The following SPON1 variants were observed in gnomAD, a reference collection of about 807,000 sequenced individuals.
SPON1 encodes spondin 1, also known as spondin-1.
A neutral mutation model predicts 111.7 loss-of-function variants in SPON1; 52 were observed. That is an observed-to-expected ratio of 0.47 (90% confidence interval 0.37 to 0.59). The LOEUF is 0.59. Among genes scored for constraint, SPON1 ranks in the 20% least tolerant of loss-of-function variants. The pLI, the probability that SPON1 is intolerant of heterozygous loss-of-function variation, is 0.00. For missense variants in SPON1, 957 were observed against 1,068.5 expected, an observed-to-expected ratio of 0.90 and a Z score of 1.46; for synonymous variants, 410 against 395.8, an observed-to-expected ratio of 1.04 and a Z score of -0.43.
In SPON1 at chr11:14,254,708, CGACAGCG is replaced by C; in HGVS notation, c.1073_1079del (p.Asp358GlyfsTer2). 1 of 1,613,832 alleles carries C rather than the reference CGACAGCG, an allele frequency of 6.2e-7. No individual in the cohort carries two copies. Among genetic ancestry groups the C allele is most frequent in the Non-Finnish European group, 8.5e-7 (1 of 1,179,862 alleles). On this transcript the variant is annotated frameshift_variant, in exon 8 of 16. Coordinates refer to ENST00000576479, the MANE Select transcript of SPON1 (RefSeq NM_006108.4). LOFTEE classifies it high-confidence loss of function. ...ACCTGATTCCCTGGGACGCTGGCACCGACAGCGGGGTGACCTATGAGGTGTGTGTGTG... is the reference window on the plus strand; with the variant it reads ...ACCTGATTCCCTGGGACGCTGGCACCGGGTGACCTATGAGGTGTGTGTGTG...
At chr11:14,179,785 G>A (rs1403437640) in intron 6 of SPON1, among the ~76,000 whole-genome samples, 4 of 151,686 alleles carry the variant, frequency 2.6e-5, no homozygotes, top group Non-Finnish European at 4.4e-5. Flanking sequence ...TGCACTTCTC[G>A]CAGTAGCACT....
chr11:14,184,004 G>A (rs1463874954), intron 6 of SPON1, among the ~76,000 whole-genome samples: 1 of 152,176 alleles, frequency 6.6e-6, no homozygotes, highest in Non-Finnish European at 1.5e-5. Flanking sequence ...ACTCCTGAGG[G>A]ACCTTAGTTT....
chr11:13,966,415 A>G (rs1554908043), intron 1 of SPON1, among the ~76,000 whole-genome samples: 1 of 152,228 alleles, frequency 6.6e-6, no homozygotes, highest in Non-Finnish European at 1.5e-5. Flanking sequence ...AAATCCACTG[A>G]AATATTCAAG....
chr11:14,147,996 C>T (rs1564915669), intron 6 of SPON1, among the ~76,000 whole-genome samples: 1 of 152,076 alleles, frequency 6.6e-6, no homozygotes, highest in Non-Finnish European at 1.5e-5. Context: ...AGACTTTTGA[C>T]AACTATATTG....
intron 6 of SPON1, among the ~76,000 whole-genome samples, chr11:14,178,902 G>A (rs549651502): frequency 3.0e-4 from 45 of 152,326 alleles, no homozygotes; most frequent in African/African-American, 7.9e-4. Context: ...TATTGAGACC[G>A]TGGCAGCCTG....
chr11:14,234,247 G>T (rs763898915), intron 6 of SPON1, among the ~76,000 whole-genome samples: 44 of 152,164 alleles, frequency 2.9e-4, no homozygotes, highest in Non-Finnish European at 5.6e-4. Context: ...CTCCTGTTTG[G>T]ATTTGGCATC....
At chr11:14,190,021 T>C (rs190090430) in intron 6 of SPON1, among the ~76,000 whole-genome samples, 1 of 152,314 alleles carries the variant, frequency 6.6e-6, no homozygotes, top group East Asian at 1.9e-4. Flanking sequence ...GTTTGTATAA[T>C]TATATGCATT....
At chr11:14,119,299 G>A (rs782291905) in intron 5 of SPON1, among the ~76,000 whole-genome samples, 2 of 152,120 alleles carry the variant, frequency 1.3e-5, no homozygotes, top group African/African-American at 2.4e-5. Context: ...AGTGACAAGG[G>A]AGGAGGAAGG....
chr11:13,996,060 C>A (rs945055751), intron 2 of SPON1, among the ~76,000 whole-genome samples: 7 of 152,046 alleles, frequency 4.6e-5, no homozygotes, highest in Non-Finnish European at 1.0e-4. Flanking sequence ...GTGTGAAGAC[C>A]ACTCTATTTT....
At chr11:14,017,111 G>C (rs546679981) in intron 2 of SPON1, among the ~76,000 whole-genome samples, 49 of 152,238 alleles carry the variant, frequency 3.2e-4, no homozygotes, top group Non-Finnish European at 3.5e-4. Context: ...TCCTATGTTG[G>C]TGAGAAATTT....
chr11:13,986,784 A>C (rs1302487210), intron 2 of SPON1, among the ~76,000 whole-genome samples: 2 of 151,270 alleles, frequency 1.3e-5, no homozygotes, highest in African/African-American at 4.9e-5. Context: ...TCATTGTTCA[A>C]CTCCCACTTA....
At chr11:14,011,622 TC>T (rs771023988) in intron 2 of SPON1, among the ~76,000 whole-genome samples, 20 of 152,274 alleles carry the variant, frequency 1.3e-4, no homozygotes, top group South Asian at 2.1e-4. Flanking sequence ...CCCAAATTCT[TC>T]TACATGGCTT....
chr11:14,249,283 CG>C (rs1554940483), intron 7 of SPON1, among the ~76,000 whole-genome samples: 1 of 152,136 alleles, frequency 6.6e-6, no homozygotes, highest in African/African-American at 2.4e-5. Flanking sequence ...TAAATTGGGC[CG>C]GAAGAGTCAG....
chr11:14,207,323 CAAAG>C (rs559832128), intron 6 of SPON1, among the ~76,000 whole-genome samples: 55 of 152,178 alleles, frequency 3.6e-4, no homozygotes, highest in African/African-American at 1.3e-3. Flanking sequence ...GATTTCATGA[CAAAG>C]AAGCCAAAAG....
intron 3 of SPON1, among the ~76,000 whole-genome samples, chr11:14,052,150 C>G (rs528382233): frequency 6.6e-6 from 1 of 152,202 alleles, no homozygotes; most frequent in South Asian, 2.1e-4. Context: ...AGATATTGTT[C>G]CCCAAGTGAG....
chr11:14,008,286 C>T (rs1160821124), intron 2 of SPON1, among the ~76,000 whole-genome samples: 2 of 152,124 alleles, frequency 1.3e-5, no homozygotes, highest in Non-Finnish European at 2.9e-5. Flanking sequence ...CAGGATGATG[C>T]TGGAACCAAC....
chr11:14,178,532 C>T (rs1256517565), intron 6 of SPON1, among the ~76,000 whole-genome samples: 1 of 152,074 alleles, frequency 6.6e-6, no homozygotes, highest in African/African-American at 2.4e-5. Flanking sequence ...CAAAAGAAAT[C>T]AGCCTGCCTT....
At chr11:14,263,445 A>G (rs782002837) in intron 15 of SPON1, among the ~76,000 whole-genome samples, 1 of 152,156 alleles carries the variant, frequency 6.6e-6, no homozygotes, top group Non-Finnish European at 1.5e-5. Flanking sequence ...AGAACACATC[A>G]TCTTCCATTT....
intron 2 of SPON1, among the ~76,000 whole-genome samples, chr11:14,012,440 T>G (rs1435829390): frequency 6.6e-6 from 1 of 152,122 alleles, no homozygotes; most frequent in Non-Finnish European, 1.5e-5. Flanking sequence ...TAACACCAGA[T>G]TCCTCATAGA....
Sources: allele counts gnomAD v4.1 joint callset (sites outside exome capture counted in the v4.1 genomes callset), GRCh38; gene constraint gnomAD v4.1.1; transcripts MANE v1.5; gene names NCBI Gene and HGNC (gene_info 2026-07-23, HGNC 2026-07-21).